Variants in CDH18 observed in about 807,000 individuals in gnomAD.
CDH18 encodes cadherin-18.
A neutral mutation model predicts 67.9 loss-of-function variants in CDH18; 31 were observed. That is an observed-to-expected ratio of 0.46 (90% CI 0.34 to 0.62). CDH18 has a LOEUF of 0.62. Ranked by LOEUF, CDH18 falls within the 20% of genes least tolerant of loss-of-function variation. The pLI is 0.01. For missense variants in CDH18, 890 were observed against 975.5 expected (o/e 0.91, Z 1.17); for synonymous variants, 362 against 347.2 (o/e 1.04, Z -0.48).
At chr5:20,396,644 T>G (rs1745306115) in intron 1 of CDH18, among the ~76,000 whole-genome samples, 1 of 116,818 alleles carries the variant, frequency 8.6e-6, no homozygotes. Context: ...TTGGATAAAA[T>G]CTAATGAATT....
chr5:19,817,428 A>G (rs1732599398), intron 3 of CDH18, among the ~76,000 whole-genome samples: 1 of 152,020 alleles, frequency 6.6e-6, no homozygotes. Context: ...GACATTCATA[A>G]CATTATTACA....
intron 5 of CDH18, among the ~76,000 whole-genome samples, chr5:19,652,394 G>A (rs1025761157): frequency 6.6e-6 from 1 of 152,008 alleles, no homozygotes; most frequent in Non-Finnish European, 1.5e-5. Flanking sequence ...TTACCTTCTC[G>A]ATTTCAAAGG....
chr5:20,501,765 A>G (rs1754346836), intron 1 of CDH18, among the ~76,000 whole-genome samples: 1 of 140,098 alleles, frequency 7.1e-6, no homozygotes, highest in Non-Finnish European at 1.5e-5. Context: ...GTATACCTTT[A>G]CAGATTGAAT....
chr5:20,507,794 G>A (rs949592374), intron 1 of CDH18, among the ~76,000 whole-genome samples: 25 of 152,100 alleles, frequency 1.6e-4, no homozygotes, highest in African/African-American at 6.0e-4. Context: ...AATGCTTACT[G>A]TGACTCTACA....
At chr5:19,714,715 A>C (rs1047851897) in intron 5 of CDH18, among the ~76,000 whole-genome samples, 1 of 142,242 alleles carries the variant, frequency 7.0e-6, no homozygotes, top group Non-Finnish European at 1.5e-5. Flanking sequence ...AAGAGAAGGG[A>C]CATACAGCAG....
chr5:20,439,262 C>T (rs1250641454), intron 1 of CDH18, among the ~76,000 whole-genome samples: 1 of 151,596 alleles, frequency 6.6e-6, no homozygotes, highest in Admixed American at 6.6e-5. Flanking sequence ...CTGGACTTCA[C>T]ACTGAATAGA....
intron 2 of CDH18, among the ~76,000 whole-genome samples, chr5:20,044,024 G>A (rs1740684735): frequency 6.6e-6 from 1 of 152,138 alleles, no homozygotes; most frequent in Admixed American, 6.5e-5. Flanking sequence ...AGAAAGTGAA[G>A]GGAGTGACAA....
chr5:19,500,587 C>G (rs917619685), intron 11 of CDH18, among the ~76,000 whole-genome samples: 1 of 152,006 alleles, frequency 6.6e-6, no homozygotes, highest in Admixed American at 6.6e-5. Context: ...TTTATAATTT[C>G]AATACTCAAA....
intron 1 of CDH18, among the ~76,000 whole-genome samples, chr5:20,425,204 A>G (rs564127706): frequency 6.6e-6 from 1 of 150,828 alleles, no homozygotes; most frequent in South Asian, 2.1e-4. Context: ...TGTCTCTACT[A>G]AAGATACAAA....
At chr5:19,789,620 A>T (rs1776156001) in intron 3 of CDH18, among the ~76,000 whole-genome samples, 1 of 152,134 alleles carries the variant, frequency 6.6e-6, no homozygotes, top group Admixed American at 6.6e-5. Context: ...TAAGAATATA[A>T]AGTTGACAAA....
At chr5:20,100,081 G>A (rs935845647) in intron 2 of CDH18, among the ~76,000 whole-genome samples, 6 of 152,042 alleles carry the variant, frequency 3.9e-5, no homozygotes, top group Non-Finnish European at 7.4e-5. Flanking sequence ...CACCATGCCC[G>A]GTTTCTAATT....
At chr5:20,149,139 T>C (rs1675147129) in intron 2 of CDH18, among the ~76,000 whole-genome samples, 1 of 152,210 alleles carries the variant, frequency 6.6e-6, no homozygotes, top group Admixed American at 6.5e-5. Flanking sequence ...TATTCTGACT[T>C]ATTTCCAGAA....
At chr5:19,948,593 G>T (rs564031926) in intron 2 of CDH18, among the ~76,000 whole-genome samples, 1 of 152,258 alleles carries the variant, frequency 6.6e-6, no homozygotes, top group Non-Finnish European at 1.5e-5. Context: ...CATCTTGATT[G>T]TAGTTACGTA....
intron 2 of CDH18, among the ~76,000 whole-genome samples, chr5:20,163,460 A>T (rs1353953345): frequency 6.6e-6 from 1 of 152,174 alleles, no homozygotes; most frequent in Admixed American, 6.5e-5. Context: ...CTTGTTGAAG[A>T]AAATGGATTA....
rs1554098639 is a variant in CDH18, at chr5:20,172,223, T to TATATATATATATAC, written c.-518+83220_-518+83221insGTATATATATATAT. 1.5e-3 allele frequency among the ~76,000 whole-genome samples: 68 copies of TATATATATATATAC among 43,876 alleles called. 3 individuals carry two copies. Among genetic ancestry groups the TATATATATATATAC allele is most frequent in the African/African-American group, 2.5e-3 (22 of 8,918 alleles). The allele number at this position is 43,876 out of a possible 152,430, so 28.8% of individuals were successfully genotyped here. A position where few individuals can be genotyped will look rare whatever the true frequency, so the allele number is the denominator to read the frequency against. On this transcript the variant is annotated intron_variant, in intron 2 of 14. Coordinates refer to the CDH18 transcript ENST00000507958. Reference sequence around the variant, plus strand: ...ATATATATATATATATATATATATATGTATATATATATATATGTATATATA... The same window carrying TATATATATATATAC: ...ATATATATATATATATATATATATATATATATATATATACGTATATATATATATATGTATATATA...
rs1284260305 is a variant in CDH18 at position 20,329,561 on chromosome 5, G to A, written c.-579-74056C>T. Among the ~76,000 whole-genome samples the A allele has an allele frequency of 1.6e-4, 24 of 151,834 alleles. No individual in the cohort carries two copies. The East Asian group carries it at 2.7e-3, about 17-fold the overall frequency. On this transcript the variant is annotated intron_variant, in intron 1 of 14. Transcript: ENST00000507958. The stretch of plus-strand genomic sequence containing the variant: ...GCGGATCACCTGAGGTCAGGAGTTC[G>A]AGACCAGCCTGGCCAACATGGTGAA...
intron 4 of CDH18, among the ~76,000 whole-genome samples, chr5:19,723,253 G>C (rs1003000061): frequency 6.6e-6 from 1 of 151,708 alleles, no homozygotes; most frequent in Non-Finnish European, 1.5e-5. Context: ...TGGGCAACAA[G>C]AGCGAAACTC....
Position 20,213,234 on chromosome 5 carries a change from T to C in CDH18, c.-518+42210A>G, listed in dbSNP as rs1005860539. On this transcript the variant is annotated intron_variant, in intron 2 of 14. Transcript: ENST00000507958. ...TAAAGAGAGAGAAGAGATGGGAAAA[T>C]TGTAGGTTGGTGGAATTGTAGTCAG... Among the ~76,000 whole-genome samples, 25 of 152,054 alleles carry C rather than the reference T, an allele frequency of 1.6e-4. 1 individual carries two copies. Among genetic ancestry groups the C allele is most frequent in the African/African-American group, 5.3e-4 (22 of 41,412 alleles).
chr5:19,746,807 T>C, intron 4 of CDH18, 135 bp downstream of exon 4: 1 of 713,134 alleles, frequency 1.4e-6, no homozygotes, highest in Non-Finnish European at 2.3e-6. Context: ...CCACAAAAAA[T>C]ACTAAAATAT....
Sources: allele counts gnomAD v4.1 joint callset (sites outside exome capture counted in the v4.1 genomes callset), GRCh38; gene constraint gnomAD v4.1.1; transcripts MANE v1.5; gene names NCBI Gene and HGNC (gene_info 2026-07-23, HGNC 2026-07-21).